Variants in RP9 observed in about 807,000 individuals in gnomAD.
RP9 encodes retinitis pigmentosa 9 protein.
A neutral mutation model predicts 32.6 loss-of-function variants in RP9; 23 were observed. The ratio of observed to expected loss-of-function variants is 0.71; its 90% confidence interval spans 0.51 to 1.00. The LOEUF is 1.00. RP9 is among the 50% of genes least tolerant of loss of function. RP9 has a pLI of 0.00. For synonymous variants in RP9, 94 were observed against 103.6 expected (o/e 0.91, Z 0.56); for missense variants, 245 against 285.3 (o/e 0.86, Z 1.02).
At chr7:33,105,756 T>C (rs1399509291) in intron 1 of RP9, among the ~76,000 whole-genome samples, 3 of 152,170 alleles carry the variant, frequency 2.0e-5, no homozygotes, top group Admixed American at 1.3e-4. Context: ...GACCACTGTA[T>C]TATACCCTTT....
At chr7:33,103,166 T>C (rs28633587) in intron 1 of RP9, among the ~76,000 whole-genome samples, 77,643 of 152,084 alleles carry the variant, frequency 0.51, 20,243 homozygotes, top group African/African-American at 0.61. Flanking sequence ...ATGGATTTCC[T>C]GGGGTGGAAG....
In RP9 at chr7:33,096,497, C is replaced by T. The variant is rs58377403; in HGVS notation, c.463G>A (p.Val155Ile). The T allele has an allele frequency of 6.5e-4, 1,050 of 1,609,838 alleles. 13 individuals carry two copies. In the South Asian group the frequency reaches 0.01, roughly 16 times the overall value. ...IRDNKRHEKD[V>I]RIQQLKQLLE... is the part of the protein sequence containing the mutation. ...TTATCATCAGGACGACCTCACCTTA[C>T]GTCCTTTTCATGTCGTTTATTGTCT... The change falls in exon 5 of 6, where the codon GTA (valine) becomes ATA (isoleucine). Residue 155 changes from valine (V) to isoleucine (I), a missense_variant. Val to Ile is a conservative substitution (Grantham distance 29). Transcript: ENST00000297157.
rs952049447 is a variant in RP9 at position 33,109,121 on chromosome 7, G to A, written c.152+100C>T. On this transcript the variant is annotated intron_variant, in intron 1 of 5. Coordinates refer to ENST00000297157, the MANE Select transcript of RP9 (RefSeq NM_203288.2). The surrounding 1 kb of genome is among the most constrained non-coding windows in gnomAD (Gnocchi z 4.9). ...GCCCAGCCCCCCTGCCTGCTCGCGGGGGCTCGGAGGACCCGGCCTAGCGCC... is the reference window on the plus strand; with the variant it reads ...GCCCAGCCCCCCTGCCTGCTCGCGGAGGCTCGGAGGACCCGGCCTAGCGCC... The A allele has an allele frequency of 1.6e-5, 22 of 1,410,314 alleles. No homozygotes were observed. The highest frequency in any genetic ancestry group is 1.4e-4 in the Admixed American group (5 of 37,034). The allele number at this position is 1,410,314 out of a possible 1,614,324, so 87.4% of individuals were successfully genotyped here.
At chr7:33,101,847 A>C (rs573867192) in intron 1 of RP9, among the ~76,000 whole-genome samples, 1 of 152,220 alleles carries the variant, frequency 6.6e-6, no homozygotes, top group Non-Finnish European at 1.5e-5. Context: ...AACAATGGAA[A>C]TCTGCACAAC....
chr7:33,098,015 CTA>C (rs1480911477), intron 3 of RP9, among the ~76,000 whole-genome samples: 3 of 152,224 alleles, frequency 2.0e-5, no homozygotes. Flanking sequence ...ATTTTAGACA[CTA>C]TAAAAGCTTC....
At chr7:33,101,295 G>C (rs114296073) in intron 1 of RP9, among the ~76,000 whole-genome samples, 3,811 of 152,246 alleles carry the variant, frequency 0.025, 151 homozygotes, top group African/African-American at 0.088. Context: ...AATAGACAAA[G>C]GGAAAAGTGA....
In RP9 at chr7:33,098,556, G is replaced by A. The variant is rs74464475; in HGVS notation, c.313+751C>T. Among the ~76,000 whole-genome samples the A allele has an allele frequency of 5.4e-3, 817 of 151,846 alleles. 9 individuals are homozygous for A. The highest frequency in any genetic ancestry group is 0.019 in the African/African-American group (776 of 41,422). ...ACACATTTCCAGACTCCCTCCACTC[G>A]GCTCCCAGAACACTCATAGTATGGC... On this transcript the variant is annotated intron_variant, in intron 3 of 5. Coordinates refer to ENST00000297157, the MANE Select transcript of RP9 (RefSeq NM_203288.2).
chr7:33,106,523 A>G (rs918096021), intron 1 of RP9, among the ~76,000 whole-genome samples: 1 of 152,248 alleles, frequency 6.6e-6, no homozygotes. Flanking sequence ...AAAAATTGCT[A>G]TGATGGAACT....
intron 1 of RP9, among the ~76,000 whole-genome samples, chr7:33,106,873 AGT>A (rs1442178825): frequency 6.6e-6 from 1 of 151,524 alleles, no homozygotes; most frequent in East Asian, 2.0e-4. Flanking sequence ...GAACCCAGGA[AGT>A]GGAGGCTGCA....
intron 2 of RP9, 60 bp from the exon 3 acceptor site, chr7:33,099,496 C>A: frequency 6.2e-7 from 1 of 1,600,998 alleles, no homozygotes; most frequent in Non-Finnish European, 8.6e-7. Flanking sequence ...CTCCTGCTCC[C>A]CTTGGAGCCA....
At chr7:33,098,491 T>A (rs1293403418) in intron 3 of RP9, among the ~76,000 whole-genome samples, 1 of 152,160 alleles carries the variant, frequency 6.6e-6, no homozygotes, top group Admixed American at 6.5e-5. Flanking sequence ...GCTGCTGCAA[T>A]AGCCACAAAG....
chr7:33,097,078 C>CT (rs954369512), intron 4 of RP9, among the ~76,000 whole-genome samples, 193 bp downstream of exon 4: 14 of 151,896 alleles, frequency 9.2e-5, no homozygotes, highest in Admixed American at 3.9e-4. Context: ...ATAAGAATTC[C>CT]TTTTTTTTGT....
intron 5 of RP9, 83 bp downstream of exon 5, chr7:33,096,410 C>T: frequency 1.1e-6 from 1 of 936,030 alleles, no homozygotes. Flanking sequence ...CTGCACCATT[C>T]CTCTAACACT....
intron 1 of RP9, among the ~76,000 whole-genome samples, chr7:33,105,215 T>C (rs58925230): frequency 0.14 from 21,040 of 152,142 alleles, 1,842 homozygotes; most frequent in East Asian, 0.22. Context: ...TATGTAGTTA[T>C]GTGTGGAAAA....
rs1489693623 is a variant in RP9 at position 33,109,239 on chromosome 7, A to G, written c.134T>C (p.Leu45Pro). 1.3e-6 allele frequency: 2 copies of G among 1,495,154 alleles called. No homozygotes were observed. Among genetic ancestry groups the G allele is most frequent in the African/African-American group, 2.9e-5 (2 of 68,216 alleles). 92.6% of individuals were successfully genotyped at this position (1,495,154 alleles called of 1,614,324 possible). A position where few individuals can be genotyped will look rare whatever the true frequency, so the allele number is the denominator to read the frequency against. ...GACTCACAAGGACTCCAGGTGCTTG[A>G]GCTGCTGCAGCTGCTGCGCGTCGTG... ...RRHDAQQLQQLKHLESFYEKP... is the reference protein window; with the variant it reads ...RRHDAQQLQQPKHLESFYEKP... The change falls in exon 1 of 6, where the codon CTC becomes CCC. Residue 45 changes from leucine to proline, a missense_variant. Physicochemically the swap from Leu to Pro is moderately conservative, Grantham distance 98. This residue lies in a region of RP9 where 182 missense variants were observed against 175.5 expected (regional missense o/e 1.04). Transcript: ENST00000297157. This position sits in a 1 kb window ranked among gnomAD's most constrained non-coding sequence, Gnocchi z 4.9.
intron 5 of RP9, among the ~76,000 whole-genome samples, chr7:33,096,226 G>A (rs981702887): frequency 3.3e-5 from 5 of 152,204 alleles, no homozygotes; most frequent in Non-Finnish European, 7.3e-5. Context: ...TGTACAAGTA[G>A]ACAGCACAAC....
In RP9 at chr7:33,109,342, C is replaced by G. The variant is rs1205934800; in HGVS notation, c.31G>C (p.Gly11Arg). 1 of 1,447,242 alleles carries G rather than the reference C, an allele frequency of 6.9e-7. No homozygotes were observed. The highest frequency in any genetic ancestry group is 1.5e-5 in the African/African-American group (1 of 66,976). The allele number at this position is 1,447,242 out of a possible 1,614,324, so 89.7% of individuals were successfully genotyped here. A position where few individuals can be genotyped will look rare whatever the true frequency, so the allele number is the denominator to read the frequency against. The part of the protein sequence containing the change: MSSRPGREDV[G>R]AAGARRPREP... ...CGCGGCCGCCGCGCGCCCGCAGCCCCCACGTCCTCGCGCCCAGGCCGGGAC... is the reference window on the plus strand; with the variant it reads ...CGCGGCCGCCGCGCGCCCGCAGCCCGCACGTCCTCGCGCCCAGGCCGGGAC... The change falls in exon 1 of 6, where the codon GGG (glycine) becomes CGG (arginine). Residue 11 changes from glycine to arginine, a missense_variant. Physicochemically the swap from Gly to Arg is moderately radical, Grantham distance 125. Around this residue, in one of 2 missense-constraint regions of RP9, gnomAD observed 182 missense variants for 175.5 expected, o/e 1.04. Transcript: ENST00000297157. The surrounding 1 kb of genome is among the most constrained non-coding windows in gnomAD (Gnocchi z 4.9).
At chr7:33,101,399 C>T (rs939343472) in intron 1 of RP9, among the ~76,000 whole-genome samples, 17 of 151,872 alleles carry the variant, frequency 1.1e-4, no homozygotes, top group Non-Finnish European at 2.1e-4. Flanking sequence ...GTCAGGAATT[C>T]GAGACTAGCT....
Position 33,109,313 on chromosome 7 carries a change from C to A in RP9, c.60G>T (p.Glu20Asp). 1 of 1,466,204 alleles carries A rather than the reference C, an allele frequency of 6.8e-7. No homozygotes were observed. The highest frequency in any genetic ancestry group is 1.3e-5 in the South Asian group (1 of 78,236). The allele number at this position is 1,466,204 out of a possible 1,614,324, so 90.8% of individuals were successfully genotyped here. The change falls in exon 1 of 6, where the codon GAG becomes GAT. Residue 20 changes from glutamate to aspartate, a missense_variant. Transcript: ENST00000297157. The surrounding 1 kb of genome is among the most constrained non-coding windows in gnomAD (Gnocchi z 4.9). ...GTCGCTGCAGCTCCTGCTCCGGCGG[C>A]TCACGCGGCCGCCGCGCGCCCGCAG... ...VGAAGARRPR[E>D]PPEQELQRRR...
Sources: gnomAD v4.1 joint callset for allele counts (sites outside exome capture counted in the v4.1 genomes callset) on GRCh38, gnomAD v4.1.1 for gene constraint, gnomAD v4.1.1 regional missense constraint, Gnocchi (gnomAD v3.1) non-coding constraint, MANE v1.5 for transcripts, NCBI Gene and HGNC (gene_info 2026-07-23, HGNC 2026-07-21) for gene names.